Variants in ZNF704 observed in about 807,000 individuals in gnomAD.
ZNF704 encodes the protein zinc finger protein 704, also known as glucocorticoid induced gene 1.
Under a neutral mutation model 44.7 loss-of-function variants are expected in ZNF704, and 10 were observed. That is an observed-to-expected ratio of 0.22 (90% confidence interval 0.14 to 0.38). The LOEUF is 0.38. Ranked by LOEUF, ZNF704 falls within the 10% of genes least tolerant of loss-of-function variation. The pLI, the probability that ZNF704 is intolerant of heterozygous loss-of-function variation, is 1.00. For missense variants in ZNF704, 390 were observed against 545.5 expected, an observed-to-expected ratio of 0.71 and a Z score of 2.84; for synonymous variants, 211 against 207.6, an observed-to-expected ratio of 1.02 and a Z score of -0.14.
intron 2 of ZNF704, among the ~76,000 whole-genome samples, chr8:80,788,937 C>A (rs1005543669): frequency 2.6e-5 from 4 of 152,142 alleles, no homozygotes; most frequent in Non-Finnish European, 5.9e-5. Context: ...AACCAGATCT[C>A]CCAAGGACCT....
intron 2 of ZNF704, among the ~76,000 whole-genome samples, chr8:80,790,778 A>T (rs1160555799): frequency 6.6e-6 from 1 of 152,178 alleles, no homozygotes; most frequent in African/African-American, 2.4e-5. Context: ...GCATGAAGCT[A>T]AGTTTATTGA....
At position 80,690,071 on chromosome 8, in the gene ZNF704, A is replaced by G. The variant is rs529828244; in HGVS notation, c.326-2613T>C. Among the ~76,000 whole-genome samples, 18 of 152,266 alleles carry G rather than the reference A, an allele frequency of 1.2e-4. No homozygotes were observed. The East Asian group carries it at 3.5e-3, about 29-fold the overall frequency. ...AAATCTTTTTTTCCTAAAAAAAAAA[A>G]AAGCCTTCATTATAATAAATTGCTT... On this transcript the variant is annotated intron_variant, in intron 3 of 8. Transcript: ENST00000327835.
intron 4 of ZNF704, among the ~76,000 whole-genome samples, chr8:80,671,346 G>A (rs1272423236): frequency 6.6e-6 from 1 of 152,122 alleles, no homozygotes; most frequent in Non-Finnish European, 1.5e-5. Flanking sequence ...CCAGGCTGCG[G>A]CAATATTTTC....
chr8:80,796,928 A>C (rs1000548109), intron 2 of ZNF704, among the ~76,000 whole-genome samples: 2 of 116,896 alleles, frequency 1.7e-5, no homozygotes, highest in Non-Finnish European at 3.4e-5. Flanking sequence ...GAGAAAGGGA[A>C]GGGAAAAGGA....
rs557927655 is a variant in ZNF704 at position 80,860,627 on chromosome 8, T to A, written c.-22+13944A>T. Among the ~76,000 whole-genome samples, 288 of 152,346 alleles carry A rather than the reference T, an allele frequency of 1.9e-3. 2 individuals carry two copies. Among genetic ancestry groups the A allele is most frequent in the African/African-American group, 6.8e-3 (282 of 41,586 alleles). ...GACCCTTTCCACAAGGTGGACATCT[T>A]TACCCACTCTCTCATTATGCTCCTT... On this transcript the variant is annotated intron_variant, in intron 1 of 8. Transcript: ENST00000327835.
At chr8:80,661,502 T>C (rs886118113) in intron 6 of ZNF704, among the ~76,000 whole-genome samples, 1 of 152,218 alleles carries the variant, frequency 6.6e-6, no homozygotes, top group East Asian at 1.9e-4. Flanking sequence ...CTCATGTTTA[T>C]TGCAGCACTA....
chr8:80,843,591 T>C (rs750763155), intron 1 of ZNF704, among the ~76,000 whole-genome samples: 1 of 152,238 alleles, frequency 6.6e-6, no homozygotes, highest in Non-Finnish European at 1.5e-5. Context: ...ATAGACACTA[T>C]ATAAACACCT....
At chr8:80,697,804 G>C (rs1287625198) in intron 2 of ZNF704, among the ~76,000 whole-genome samples, 1 of 152,198 alleles carries the variant, frequency 6.6e-6, no homozygotes, top group African/African-American at 2.4e-5. Context: ...CGTGAGGGAG[G>C]AGAGCATTAG....
intron 2 of ZNF704, among the ~76,000 whole-genome samples, chr8:80,696,289 C>A (rs1279022417): frequency 6.6e-6 from 1 of 152,190 alleles, no homozygotes; most frequent in Non-Finnish European, 1.5e-5. Context: ...AAGGCTTTTA[C>A]CTTTTCAATT....
At chr8:80,690,377 G>A (rs1818611642) in intron 3 of ZNF704, among the ~76,000 whole-genome samples, 1 of 152,080 alleles carries the variant, frequency 6.6e-6, no homozygotes, top group Admixed American at 6.5e-5. Context: ...AGGATTCCAT[G>A]AAATTCTACA....
intron 7 of ZNF704, among the ~76,000 whole-genome samples, chr8:80,657,328 T>C (rs7018189): frequency 0.1 from 15,757 of 152,200 alleles, 1,217 homozygotes; most frequent in African/African-American, 0.22. Context: ...ACTGCTAAAA[T>C]CAGTCTAAAG....
chr8:80,754,078 C>T (rs1392942476), intron 2 of ZNF704, among the ~76,000 whole-genome samples: 1 of 152,188 alleles, frequency 6.6e-6, no homozygotes, highest in African/African-American at 2.4e-5. Flanking sequence ...ATGAGCAAAA[C>T]AAACGTCTCT....
intron 2 of ZNF704, among the ~76,000 whole-genome samples, chr8:80,773,263 C>T (rs1386930472): frequency 6.6e-6 from 1 of 152,014 alleles, no homozygotes; most frequent in African/African-American, 2.4e-5. Context: ...TATTTATGTA[C>T]AGTGTTTTTG....
intron 2 of ZNF704, among the ~76,000 whole-genome samples, chr8:80,720,714 A>C (rs957161623): frequency 1.3e-5 from 2 of 152,254 alleles, no homozygotes; most frequent in African/African-American, 4.8e-5. Context: ...AATACCACAA[A>C]GAACTGTATT....
intron 1 of ZNF704, among the ~76,000 whole-genome samples, chr8:80,846,375 C>T (rs934729474): frequency 4.1e-5 from 6 of 147,148 alleles, no homozygotes; most frequent in Non-Finnish European, 7.5e-5. Flanking sequence ...ATTGAGTAAC[C>T]CAGCTTTTTA....
At chr8:80,836,860 T>G (rs1433849306) in intron 1 of ZNF704, among the ~76,000 whole-genome samples, 3 of 152,214 alleles carry the variant, frequency 2.0e-5, no homozygotes, top group Admixed American at 2.0e-4. Context: ...GCAGGACTTA[T>G]TATTTTCTTA....
chr8:80,809,347 T>TA (rs907820641), intron 2 of ZNF704, among the ~76,000 whole-genome samples: 1 of 152,166 alleles, frequency 6.6e-6, no homozygotes, highest in African/African-American at 2.4e-5. Flanking sequence ...CACTTCACTT[T>TA]AAAAAAATAT....
At chr8:80,822,773 C>T (rs954621880) in intron 1 of ZNF704, among the ~76,000 whole-genome samples, 4 of 152,080 alleles carry the variant, frequency 2.6e-5, no homozygotes, top group South Asian at 2.1e-4. Context: ...ATTGTGGTTT[C>T]GATTTGCATT....
Position 80,771,209 on chromosome 8 carries a change from T to G in ZNF704, c.221+50165A>C, listed in dbSNP as rs189216122. On this transcript the variant is annotated intron_variant, in intron 2 of 8. Transcript: ENST00000327835. ...TACTTTCTTTGACTTTCCATATAAA[T>G]TTTTGAATAACCTTCTCTGTATCTA... Among the ~76,000 whole-genome samples the G allele has an allele frequency of 7.8e-3, 1,193 of 152,290 alleles. 10 individuals are homozygous for G. The highest frequency in any genetic ancestry group is 0.014 in the Non-Finnish European group (938 of 67,968).
Sources: allele counts gnomAD v4.1 joint callset (sites outside exome capture counted in the v4.1 genomes callset), GRCh38; gene constraint gnomAD v4.1.1; transcripts MANE v1.5; gene names NCBI Gene and HGNC (gene_info 2026-07-23, HGNC 2026-07-21).